Variants in NKAIN2 observed in about 807,000 individuals in gnomAD.
NKAIN2 encodes sodium/potassium transporting ATPase interacting 2, also known as sodium/potassium-transporting ATPase subunit beta-1-interacting protein 2.
NKAIN2 carries 14 observed loss-of-function variants against 32.6 expected under a neutral mutation model. The ratio of observed to expected loss-of-function variants is 0.43; its 90% CI spans 0.28 to 0.67. The LOEUF (loss-of-function observed/expected upper bound fraction) is 0.67. Ranked by LOEUF, NKAIN2 falls within the 30% of genes least tolerant of loss-of-function variation. The pLI is 0.17. For missense variants in NKAIN2, 198 were observed against 258.3 expected, an observed-to-expected ratio of 0.77 and a Z score of 1.60; for synonymous variants, 80 against 87.2, an observed-to-expected ratio of 0.92 and a Z score of 0.46.
chr6:124,192,385 AAT>A (rs1463331724), intron 1 of NKAIN2, among the ~76,000 whole-genome samples: 6 of 152,204 alleles, frequency 3.9e-5, no homozygotes, highest in South Asian at 4.1e-4. Flanking sequence ...ATTTACAAAT[AAT>A]ATGAGGTTTT....
intron 1 of NKAIN2, among the ~76,000 whole-genome samples, chr6:124,224,373 CAT>C (rs1791998639): frequency 6.6e-6 from 1 of 152,084 alleles, no homozygotes; most frequent in African/African-American, 2.4e-5. Context: ...AAATGAATAA[CAT>C]ATTGATTAAC....
At chr6:123,832,610 A>T (rs1774434490) in intron 1 of NKAIN2, among the ~76,000 whole-genome samples, 1 of 152,190 alleles carries the variant, frequency 6.6e-6, no homozygotes, top group African/African-American at 2.4e-5. Flanking sequence ...GAGAGTTCTT[A>T]CTGCTTCACA....
chr6:123,838,266 A>C (rs1043084551), intron 1 of NKAIN2, among the ~76,000 whole-genome samples: 7 of 152,142 alleles, frequency 4.6e-5, no homozygotes, highest in Non-Finnish European at 1.0e-4. Flanking sequence ...TCAACCTTTT[A>C]GTTTCTAATA....
Position 123,976,339 on chromosome 6 carries a change from A to G in NKAIN2, c.54+172085A>G, listed in dbSNP as rs1286222120. On this transcript the variant is annotated intron_variant, in intron 1 of 6. Transcript: ENST00000368417. ...TATATATATATGTTCCCATATATATATATGTTCCCATATATATATATATAT... is the reference window on the plus strand; with the variant it reads ...TATATATATATGTTCCCATATATATGTATGTTCCCATATATATATATATAT... Among the ~76,000 whole-genome samples the G allele has an allele frequency of 4.8e-4, 13 of 26,908 alleles. 2 individuals are homozygous for G. Among genetic ancestry groups the G allele is most frequent in the East Asian group, 1.4e-3 (1 of 708 alleles). 17.7% of individuals were successfully genotyped at this position (26,908 alleles called of 152,430 possible).
intron 3 of NKAIN2, among the ~76,000 whole-genome samples, chr6:124,482,863 G>T (rs778157232): frequency 6.6e-6 from 1 of 152,138 alleles, no homozygotes. Flanking sequence ...GGCTGGGCGC[G>T]GTGGCTCACG....
At chr6:124,065,012 T>G (rs1167522323) in intron 1 of NKAIN2, among the ~76,000 whole-genome samples, 11 of 152,146 alleles carry the variant, frequency 7.2e-5, no homozygotes, top group Non-Finnish European at 1.6e-4. Context: ...TCTCTTTCAA[T>G]GAACAGAAGA....
chr6:124,799,779 G>A (rs1362923458), intron 5 of NKAIN2, among the ~76,000 whole-genome samples: 1 of 152,154 alleles, frequency 6.6e-6, no homozygotes, highest in Admixed American at 6.5e-5. Flanking sequence ...GTGACTTGAA[G>A]GAGGAGAAAG....
At chr6:124,367,397 G>A (rs1199581940) in intron 3 of NKAIN2, among the ~76,000 whole-genome samples, 3 of 151,974 alleles carry the variant, frequency 2.0e-5, no homozygotes, top group Admixed American at 6.6e-5. Flanking sequence ...CAGCTGCTGG[G>A]GACTTTTTCT....
intron 2 of NKAIN2, among the ~76,000 whole-genome samples, chr6:124,311,700 G>A (rs1796724431): frequency 6.6e-6 from 1 of 152,096 alleles, no homozygotes; most frequent in Admixed American, 6.6e-5. Flanking sequence ...ATGCTCAGTA[G>A]AGCCCATTCT....
intron 1 of NKAIN2, among the ~76,000 whole-genome samples, chr6:123,889,088 G>T (rs1018010751): frequency 5.9e-5 from 9 of 152,128 alleles, no homozygotes; most frequent in Non-Finnish European, 1.2e-4. Context: ...AATGCTTTCT[G>T]AGTGCCTTGA....
intron 1 of NKAIN2, among the ~76,000 whole-genome samples, chr6:123,849,973 T>TTTTTTTG (rs1775259525): frequency 6.9e-6 from 1 of 145,462 alleles, no homozygotes; most frequent in Non-Finnish European, 1.5e-5. Context: ...TTTGTTTGTT[T>TTTTTTTG]TTTTTTTAAC....
intron 2 of NKAIN2, among the ~76,000 whole-genome samples, chr6:124,323,035 A>T (rs1444973280): frequency 1.3e-5 from 2 of 152,190 alleles, no homozygotes; most frequent in Non-Finnish European, 2.9e-5. Context: ...AGTGATACTG[A>T]AAATGTTTTT....
At chr6:124,240,494 C>T (rs1793026561) in intron 1 of NKAIN2, among the ~76,000 whole-genome samples, 1 of 152,090 alleles carries the variant, frequency 6.6e-6, no homozygotes, top group Non-Finnish European at 1.5e-5. Context: ...CAAAAATCCT[C>T]AATAAAATAC....
rs558834663 is a variant in NKAIN2, at chr6:124,382,706, A to G, written c.273+27359A>G. ...TCTATTAAAGGGAACAAAACATGCT[A>G]TATAATTAATGCACTGTCTCAAGGT... On this transcript the variant is annotated intron_variant, in intron 3 of 6. Transcript: ENST00000368417. Among the ~76,000 whole-genome samples, 10 of 152,314 alleles carry G rather than the reference A, an allele frequency of 6.6e-5. No homozygotes were observed. The East Asian group carries it at 1.7e-3, about 26-fold the overall frequency.
chr6:124,500,611 G>A (rs928171751), intron 3 of NKAIN2, among the ~76,000 whole-genome samples: 15 of 151,866 alleles, frequency 9.9e-5, no homozygotes, highest in African/African-American at 2.2e-4. Flanking sequence ...CTGAGATCAC[G>A]CCACTGCACT....
chr6:124,808,541 A>G (rs949550212), intron 5 of NKAIN2, among the ~76,000 whole-genome samples: 17 of 152,234 alleles, frequency 1.1e-4, no homozygotes, highest in African/African-American at 4.1e-4. Flanking sequence ...TGAATGGGCA[A>G]AAACTGGAAG....
chr6:124,081,474 T>C (rs1458832752), intron 1 of NKAIN2, among the ~76,000 whole-genome samples: 1 of 152,138 alleles, frequency 6.6e-6, no homozygotes, highest in African/African-American at 2.4e-5. Flanking sequence ...TTTACTAGAA[T>C]TGAATGGTAT....
intron 1 of NKAIN2, among the ~76,000 whole-genome samples, chr6:123,850,355 A>AAAAAT (rs1262534272): frequency 8.6e-4 from 115 of 133,480 alleles, no homozygotes; most frequent in African/African-American, 2.9e-3. Flanking sequence ...AAAAAAAAAA[A>AAAAAT]ATATATATAT....
Position 124,823,634 on chromosome 6 carries a change from G to C in NKAIN2, c.*405G>C, listed in dbSNP as rs1322571912. The C allele has an allele frequency of 1.0e-5, 2 of 191,436 alleles. No individual in the cohort carries two copies. 11.9% of individuals were successfully genotyped at this position (191,436 alleles called of 1,614,324 possible). A position where few individuals can be genotyped will look rare whatever the true frequency, so the allele number is the denominator to read the frequency against. The stretch of plus-strand genomic sequence containing the variant: ...AGTCATCCAAGGCACATTAGTTTGA[G>C]AGCTCTGTCTTCTGCACTCCATACA... On this transcript the variant is annotated 3_prime_UTR_variant, in exon 7 of 7. Transcript: ENST00000368417.
Sources: gnomAD v4.1 joint callset for allele counts (sites outside exome capture counted in the v4.1 genomes callset) on GRCh38, gnomAD v4.1.1 for gene constraint, MANE v1.5 for transcripts, NCBI Gene and HGNC (gene_info 2026-07-23, HGNC 2026-07-21) for gene names.